XPO6: variants seen among roughly 807,000 people sequenced by gnomAD.
XPO6 encodes exportin-6.
In XPO6, 3 loss-of-function variants were observed where a neutral mutation model predicts 130.0. The observed-to-expected ratio is 0.02, with a 90% CI of 0.01 to 0.06. The LOEUF (loss-of-function observed/expected upper bound fraction) is 0.06, where lower values mean the gene tolerates loss of function less well. Among genes scored for constraint, XPO6 ranks in the 10% least tolerant of loss-of-function variants. The pLI is 1.00. For missense variants in XPO6, 970 were observed against 1,393.0 expected, an observed-to-expected ratio of 0.70 and a Z score of 4.83; for synonymous variants, 524 against 548.9, an observed-to-expected ratio of 0.95 and a Z score of 0.63.
rs2086661769 is a variant in XPO6, at chr16:28,101,838, G to A, written c.3045+9C>T. On this transcript the variant is annotated intron_variant, in intron 22 of 23. Coordinates refer to ENST00000304658, the MANE Select transcript of XPO6 (RefSeq NM_015171.4). This position sits in a 1 kb window ranked among gnomAD's most constrained non-coding sequence, Gnocchi z 5.4. ...ATGGAAGAATATTTCCAAGAGCTGG[G>A]GCACTTACCTTGTGGTACAGCTTCT... 1 of 1,613,058 alleles carries A rather than the reference G, an allele frequency of 6.2e-7. No individual in the cohort carries two copies. Among genetic ancestry groups the A allele is most frequent in the Non-Finnish European group, 8.5e-7 (1 of 1,179,200 alleles).
At chr16:28,159,193 T>C (rs963356870) in intron 6 of XPO6, among the ~76,000 whole-genome samples, 1 of 151,562 alleles carries the variant, frequency 6.6e-6, no homozygotes, top group African/African-American at 2.4e-5. Context: ...ATTTTACCAC[T>C]GCACTCCAGC....
chr16:28,177,709 C>G (rs930209605), intron 2 of XPO6, among the ~76,000 whole-genome samples: 3 of 152,190 alleles, frequency 2.0e-5, no homozygotes, highest in Middle Eastern at 3.2e-3. Context: ...CATTCTAGGG[C>G]CTCGCCATTC....
chr16:28,144,567 C>T (rs2042950799), intron 9 of XPO6, among the ~76,000 whole-genome samples: 2 of 152,160 alleles, frequency 1.3e-5, no homozygotes, highest in Admixed American at 6.5e-5. Flanking sequence ...CATACTACCA[C>T]ATCTAGGTCC....
chr16:28,098,840 G>A (rs1307686504), intron 23 of XPO6, among the ~76,000 whole-genome samples: 3 of 152,248 alleles, frequency 2.0e-5, no homozygotes, highest in African/African-American at 4.8e-5. Flanking sequence ...AGAGGAATAC[G>A]TCCCTAGGGC....
At chr16:28,189,723 C>T (rs1567646048) in intron 1 of XPO6, among the ~76,000 whole-genome samples, 2 of 152,182 alleles carry the variant, frequency 1.3e-5, no homozygotes, top group Non-Finnish European at 2.9e-5. Context: ...AGAAAGGCTT[C>T]TTGTTTTCTT....
At chr16:28,154,963 T>C (rs2043160959) in intron 7 of XPO6, among the ~76,000 whole-genome samples, 1 of 152,186 alleles carries the variant, frequency 6.6e-6, no homozygotes, top group Non-Finnish European at 1.5e-5. Flanking sequence ...ACCAAATAAT[T>C]TTTAAGAACA....
intron 9 of XPO6, among the ~76,000 whole-genome samples, chr16:28,138,097 G>C (rs987132383): frequency 6.6e-6 from 1 of 151,866 alleles, no homozygotes; most frequent in Non-Finnish European, 1.5e-5. Flanking sequence ...TGCCGGCAGG[G>C]AAAAAGGCAC....
intron 1 of XPO6, among the ~76,000 whole-genome samples, chr16:28,203,367 G>T (rs1366257778): frequency 5.3e-5 from 8 of 151,996 alleles, no homozygotes; most frequent in African/African-American, 1.9e-4. Context: ...TAGAGGTAGA[G>T]TGGCAACCAC....
At position 28,211,726 on chromosome 16, in the gene XPO6, G is replaced by C; in HGVS notation, c.-358C>G. The C allele has an allele frequency of 2.7e-6, 1 of 368,028 alleles. No homozygotes were observed. Among genetic ancestry groups the C allele is most frequent in the African/African-American group, 2.1e-5 (1 of 47,556 alleles). 22.8% of individuals were successfully genotyped at this position (368,028 alleles called of 1,614,324 possible). On this transcript the variant is annotated 5_prime_UTR_variant, in exon 1 of 24. Coordinates refer to ENST00000304658, the MANE Select transcript of XPO6 (RefSeq NM_015171.4). ...CAGGCAGGGGCTCCCCGGCCTCCGC[G>C]GGCAGAGGTGGCGGCGGCCCCGGCC...
intron 20 of XPO6, among the ~76,000 whole-genome samples, chr16:28,104,973 A>C (rs995912811): frequency 6.6e-6 from 1 of 152,268 alleles, no homozygotes; most frequent in Non-Finnish European, 1.5e-5. Flanking sequence ...GAGAGAATGC[A>C]CGGGTCAGTG....
intron 14 of XPO6, among the ~76,000 whole-genome samples, chr16:28,119,860 C>A (rs967482037): frequency 2.0e-5 from 3 of 151,984 alleles, no homozygotes; most frequent in Non-Finnish European, 2.9e-5. Context: ...AATTTCTTTT[C>A]TTTCTTTTCT....
intron 6 of XPO6, among the ~76,000 whole-genome samples, chr16:28,164,703 A>G (rs1314896002): frequency 6.6e-6 from 1 of 152,234 alleles, no homozygotes; most frequent in East Asian, 1.9e-4. Flanking sequence ...TAGGCAACAC[A>G]TGGAAGAAGT....
intron 5 of XPO6, among the ~76,000 whole-genome samples, chr16:28,168,218 C>T: frequency 6.6e-6 from 1 of 152,152 alleles, no homozygotes; most frequent in East Asian, 1.9e-4. Context: ...GGCACAGTGG[C>T]TCATGCCTGT....
At chr16:28,142,513 G>A (rs2042912316) in intron 9 of XPO6, among the ~76,000 whole-genome samples, 1 of 152,218 alleles carries the variant, frequency 6.6e-6, no homozygotes, top group South Asian at 2.1e-4. Flanking sequence ...TCCCCAGACG[G>A]TGGTTACTAT....
Position 28,205,285 on chromosome 16 carries a change from G to A in XPO6, c.3+6081C>T, listed in dbSNP as rs546787205. On this transcript the variant is annotated intron_variant, in intron 1 of 23. Coordinates refer to ENST00000304658, the MANE Select transcript of XPO6 (RefSeq NM_015171.4). ...AGAAAGTCCTACGCACCCAACAAAT[G>A]TTTATTTCCTTCACTCTCACTTCAC... Among the ~76,000 whole-genome samples the A allele has an allele frequency of 9.9e-5, 15 of 152,256 alleles. 1 individual carries two copies. In the South Asian group the frequency reaches 1.9e-3, roughly 19 times the overall value.
chr16:28,146,244 G>C lies in XPO6; in HGVS notation c.1225-41C>G. On this transcript the variant is annotated intron_variant, in intron 8 of 23. Coordinates refer to ENST00000304658, the MANE Select transcript of XPO6 (RefSeq NM_015171.4). ...AATCCAGACAATGAAATTATTTAAT[G>C]CTACTATTCCTTAGAAACACACACA... The C allele has an allele frequency of 2.9e-6, 4 of 1,368,870 alleles. No homozygotes were observed. The South Asian group carries it at 4.7e-5, about 16-fold the overall frequency. 84.8% of individuals were successfully genotyped at this position (1,368,870 alleles called of 1,614,324 possible).
rs761566753 is a variant in XPO6 at position 28,111,882 on chromosome 16, G to C, written c.2276C>G (p.Ser759Cys). Residue 759 changes from serine to cysteine, a missense_variant, in exon 17 of 24, where the codon TCC becomes TGC. Around this residue, in one of 4 missense-constraint regions of XPO6, gnomAD observed 936 missense variants for 1,306.8 expected, o/e 0.72. Coordinates refer to ENST00000304658, the MANE Select transcript of XPO6 (RefSeq NM_015171.4). The stretch of plus-strand genomic sequence containing the variant: ...GGGCTTCAGGTTGCGATAGTCCCGG[G>C]AGAGTGCAGAGATGAGGCTGGCGTG... The part of the protein sequence containing the change: ...INHASLISAL[S>C]RDYRNLKPSA... The C allele has an allele frequency of 6.2e-7, 1 of 1,614,206 alleles. No individual in the cohort carries two copies. Among genetic ancestry groups the C allele is most frequent in the South Asian group, 1.1e-5 (1 of 91,086 alleles).
At chr16:28,188,557 C>A (rs2043732372) in intron 1 of XPO6, among the ~76,000 whole-genome samples, 2 of 150,664 alleles carry the variant, frequency 1.3e-5, no homozygotes, top group African/African-American at 4.9e-5. Flanking sequence ...ACAACACATG[C>A]GATTAGCAAA....
chr16:28,155,824 G>A, intron 7 of XPO6: 1 of 905,168 alleles, frequency 1.1e-6, no homozygotes, highest in Non-Finnish European at 1.5e-6. Context: ...GGGAGGACAG[G>A]AGATGGATGG....
Sources: gnomAD v4.1 joint callset for allele counts (sites outside exome capture counted in the v4.1 genomes callset) on GRCh38, gnomAD v4.1.1 for gene constraint, gnomAD v4.1.1 regional missense constraint, Gnocchi (gnomAD v3.1) non-coding constraint, MANE v1.5 for transcripts, NCBI Gene and HGNC (gene_info 2026-07-23, HGNC 2026-07-21) for gene names.